The following BMP2K variants were observed in gnomAD, a reference collection of about 807,000 sequenced individuals.
BMP2K encodes BMP2 inducible kinase, also known as BMP-2-inducible protein kinase.
In BMP2K, 74 loss-of-function variants were observed where a neutral mutation model predicts 116.0. The ratio of observed to expected loss-of-function variants is 0.64; its 90% CI spans 0.53 to 0.77. The LOEUF is 0.77. BMP2K is among the 30% of genes least tolerant of loss of function. BMP2K has a pLI of 0.00. For missense variants in BMP2K, 1,365 were observed against 1,403.6 expected, an observed-to-expected ratio of 0.97 and a Z score of 0.44; for synonymous variants, 486 against 502.5, an observed-to-expected ratio of 0.97 and a Z score of 0.44.
chr4:78,821,674 G>A (rs1443681916), intron 1 of BMP2K, among the ~76,000 whole-genome samples: 1 of 152,126 alleles, frequency 6.6e-6, no homozygotes, highest in Non-Finnish European at 1.5e-5. Context: ...CTTTAAGTCA[G>A]TTTTCCTATT....
chr4:78,875,620 T>C (rs542923974), intron 13 of BMP2K, among the ~76,000 whole-genome samples: 4 of 152,328 alleles, frequency 2.6e-5, no homozygotes, highest in Admixed American at 2.0e-4. Flanking sequence ...TCTTACATAC[T>C]TTCTTTGGAT....
chr4:78,907,476 C>T (rs1389343557), intron 15 of BMP2K, among the ~76,000 whole-genome samples: 1 of 152,120 alleles, frequency 6.6e-6, no homozygotes, highest in Non-Finnish European at 1.5e-5. Context: ...TTAAATGTTC[C>T]AGAAGACCTT....
intron 4 of BMP2K, 90 bp from the exon 5 acceptor site, chr4:78,844,838 G>C (rs532752781): frequency 7.3e-5 from 85 of 1,157,190 alleles, no homozygotes; most frequent in Non-Finnish European, 1.0e-4. Context: ...AATAAGCTTC[G>C]TATGTACAAA....
In BMP2K at chr4:78,840,760, T is replaced by C. The variant is rs916297772; in HGVS notation, c.404-1625T>C. Among the ~76,000 whole-genome samples the C allele has an allele frequency of 4.6e-5, 7 of 152,260 alleles. 1 individual carries two copies. Among genetic ancestry groups the C allele is most frequent in the Admixed American group, 2.0e-4 (3 of 15,288 alleles). ...TTCTCTAGGGACTTGTTTTTTGTGA[T>C]TGAGGATTTCTACTTCAAAGGTCTC... On this transcript the variant is annotated intron_variant, in intron 3 of 15. Transcript: ENST00000502613.
intron 1 of BMP2K, among the ~76,000 whole-genome samples, chr4:78,795,443 AAACC>A (rs1259405115): frequency 6.6e-6 from 1 of 152,194 alleles, no homozygotes; most frequent in African/African-American, 2.4e-5. Context: ...TGCTAGAAGA[AAACC>A]TAGGCATTAC....
intron 1 of BMP2K, chr4:78,820,968 A>G (rs1362429865): frequency 6.6e-6 from 1 of 152,344 alleles, no homozygotes; most frequent in Non-Finnish European, 1.5e-5. Context: ...TGAAGCTTTA[A>G]CTTTTGATTT....
At chr4:78,833,067 C>A (rs1477110247) in intron 2 of BMP2K, among the ~76,000 whole-genome samples, 1 of 151,906 alleles carries the variant, frequency 6.6e-6, no homozygotes, top group Non-Finnish European at 1.5e-5. Context: ...TTTGTATTAG[C>A]ATTATCTTTA....
chr4:78,831,377 C>T (rs1168517884), intron 2 of BMP2K, among the ~76,000 whole-genome samples: 1 of 152,138 alleles, frequency 6.6e-6, no homozygotes, highest in East Asian at 1.9e-4. Context: ...AAAAATGGTG[C>T]CTATAAACTT....
chr4:78,905,533 T>C (rs12645310), intron 15 of BMP2K, among the ~76,000 whole-genome samples: 10,502 of 152,040 alleles, frequency 0.069, 507 homozygotes, highest in East Asian at 0.22. Context: ...TGTAAATACA[T>C]GTTGTTAGTG....
intron 6 of BMP2K, among the ~76,000 whole-genome samples, chr4:78,848,618 C>A (rs1270860101): frequency 6.6e-6 from 1 of 151,330 alleles, no homozygotes; most frequent in African/African-American, 2.4e-5. Context: ...TGACTGTTAT[C>A]CAATATCTTA....
intron 15 of BMP2K, among the ~76,000 whole-genome samples, chr4:78,894,106 CT>C (rs767664515): frequency 5.3e-5 from 8 of 152,272 alleles, no homozygotes; most frequent in South Asian, 2.1e-4. Flanking sequence ...GTCATCCAGG[CT>C]TTGTTATTTC....
chr4:78,904,289 A>T (rs1734174506), intron 15 of BMP2K, among the ~76,000 whole-genome samples: 1 of 151,770 alleles, frequency 6.6e-6, no homozygotes, highest in Non-Finnish European at 1.5e-5. Context: ...TTGCCCTAAA[A>T]TGTTGTGGGG....
rs1174962081 is a variant in BMP2K at position 78,872,643 on chromosome 4, A to G, written c.1638A>G (p.Gln546=). The G allele has an allele frequency of 1.2e-6, 2 of 1,613,912 alleles. No individual in the cohort carries two copies. The highest frequency in any genetic ancestry group is 2.2e-5 in the East Asian group (1 of 44,892). ...MMPQYQQAFF[Q]QQMLAQHQPS... ...CGCAGTATCAGCAGGCTTTCTTTCAACAGCAGATGCTAGCTCAACATCAGC... is the reference window on the plus strand; with the variant it reads ...CGCAGTATCAGCAGGCTTTCTTTCAGCAGCAGATGCTAGCTCAACATCAGC... The change falls in exon 13 of 16, where the codon CAA becomes CAG. Residue 546 remains glutamine (Q), a synonymous_variant. Coordinates refer to ENST00000502613, the MANE Select transcript of BMP2K (RefSeq NM_198892.2).
At chr4:78,836,423 A>G (rs1284857301) in intron 3 of BMP2K, among the ~76,000 whole-genome samples, 1 of 152,170 alleles carries the variant, frequency 6.6e-6, no homozygotes, top group Non-Finnish European at 1.5e-5. Flanking sequence ...TCTCAAAAAA[A>G]AAAAAGAAGT....
intron 3 of BMP2K, among the ~76,000 whole-genome samples, chr4:78,835,206 T>C (rs1239829136): frequency 1.3e-5 from 2 of 152,208 alleles, no homozygotes; most frequent in African/African-American, 4.8e-5. Context: ...TATCTGTTTT[T>C]TGAGGAATGC....
chr4:78,816,240 C>T (rs1729346730), intron 1 of BMP2K, among the ~76,000 whole-genome samples: 2 of 152,032 alleles, frequency 1.3e-5, no homozygotes, highest in Admixed American at 1.3e-4. Flanking sequence ...ATGCTGTTTA[C>T]TTTATACTGC....
intron 1 of BMP2K, among the ~76,000 whole-genome samples, chr4:78,808,101 C>T (rs1193137882): frequency 6.6e-6 from 1 of 151,908 alleles, no homozygotes; most frequent in Non-Finnish European, 1.5e-5. Flanking sequence ...GTTGCCCAGG[C>T]TGGAGTGCAG....
rs1701032658 is a variant in BMP2K, at chr4:78,913,325, T to C, written c.*1292T>C. On this transcript the variant is annotated 3_prime_UTR_variant, in exon 16 of 16. Coordinates refer to ENST00000502613, the MANE Select transcript of BMP2K (RefSeq NM_198892.2). ...GTGTCTTTACTGAAAAGAACCCAGC[T>C]ACCAATTTGCCTTTTTTTACACCAC... 1 of 152,180 alleles carries C rather than the reference T, an allele frequency of 6.6e-6. No individual in the cohort carries two copies. Among genetic ancestry groups the C allele is most frequent in the South Asian group, 2.1e-4 (1 of 4,836 alleles). The allele number at this position is 152,180 out of a possible 1,614,324, so 9.4% of individuals were successfully genotyped here.
In BMP2K at chr4:78,871,500, G is replaced by C. The variant is rs535853077; in HGVS notation, c.1510-350G>C. On this transcript the variant is annotated intron_variant, in intron 11 of 15. Coordinates refer to ENST00000502613, the MANE Select transcript of BMP2K (RefSeq NM_198892.2). ...TAGTAAGTAGGTGGTACCATGGGAT[G>C]CCCAGAAGACACCACTGAAGGGGAG... is the stretch of plus-strand genomic sequence containing the variant. 2.0e-4 allele frequency among the ~76,000 whole-genome samples: 31 copies of C among 152,286 alleles called. No homozygotes were observed. The South Asian group carries it at 5.4e-3, about 26-fold the overall frequency.
Sources: allele counts gnomAD v4.1 joint callset (sites outside exome capture counted in the v4.1 genomes callset), GRCh38; gene constraint gnomAD v4.1.1; transcripts MANE v1.5; gene names NCBI Gene and HGNC (gene_info 2026-07-23, HGNC 2026-07-21).